DNAH7: variants seen among roughly 807,000 people sequenced by gnomAD.
DNAH7 encodes dynein axonemal heavy chain 7.
Under a neutral mutation model 444.6 loss-of-function variants are expected in DNAH7, and 397 were observed. The observed-to-expected ratio is 0.89, with a 90% confidence interval of 0.82 to 0.97. The LOEUF is 0.97. Among genes scored for constraint, DNAH7 ranks in the 50% least tolerant of loss-of-function variants. The pLI, the probability that DNAH7 is intolerant of heterozygous loss-of-function variation, is 0.00. For missense variants in DNAH7, 4,902 were observed against 4,800.8 expected (o/e 1.02, Z -0.62); for synonymous variants, 1,636 against 1,624.4 (o/e 1.01, Z -0.17).
chr2:195,862,640 C>T (rs940376622), intron 41 of DNAH7, among the ~76,000 whole-genome samples: 1 of 151,836 alleles, frequency 6.6e-6, no homozygotes, highest in East Asian at 1.9e-4. Context: ...TTTTCTGTCA[C>T]CCTCTCCTTC....
chr2:196,017,525 T>C (rs1291313217), intron 9 of DNAH7, among the ~76,000 whole-genome samples: 1 of 150,592 alleles, frequency 6.6e-6, no homozygotes, highest in Non-Finnish European at 1.5e-5. Context: ...TCACCAAATA[T>C]AAGCACATGC....
intron 8 of DNAH7, among the ~76,000 whole-genome samples, chr2:196,019,501 A>C (rs1330760438): frequency 1.3e-5 from 2 of 152,264 alleles, no homozygotes; most frequent in South Asian, 2.1e-4. Flanking sequence ...TGACTCTGAA[A>C]TTAGATTTAA....
intron 48 of DNAH7, among the ~76,000 whole-genome samples, chr2:195,826,353 T>C (rs1697746437): frequency 6.6e-6 from 1 of 152,226 alleles, no homozygotes; most frequent in African/African-American, 2.4e-5. Flanking sequence ...GGCACTGTAT[T>C]TTCTTGTCAT....
intron 21 of DNAH7, among the ~76,000 whole-genome samples, chr2:195,931,116 C>A (rs1042575917): frequency 4.6e-5 from 7 of 151,998 alleles, no homozygotes; most frequent in Non-Finnish European, 8.8e-5. Context: ...TCAATCACTC[C>A]CCAAACCTCA....
chr2:195,957,302 C>T lies in DNAH7; in HGVS notation c.3037G>A (p.Val1013Met), dbSNP rs1363819403. ...MPEEGRRFTA[V>M]DKTWRDIMRS... ...ATTATATCTCTCCATGTCTTATCCACAGCTGTAAATCGTCTGCCTTCCTCA... is the reference window on the plus strand; with the variant it reads ...ATTATATCTCTCCATGTCTTATCCATAGCTGTAAATCGTCTGCCTTCCTCA... Residue 1013 changes from valine (V) to methionine (M), a missense_variant, in exon 19 of 65, where the codon GTG becomes ATG. Val to Met is a conservative substitution (Grantham distance 21). Coordinates refer to ENST00000312428, the MANE Select transcript of DNAH7 (RefSeq NM_018897.3). 6.2e-7 allele frequency: 1 copy of T among 1,600,588 alleles called. No individual in the cohort carries two copies.
chr2:195,826,527 A>G (rs935316988), intron 48 of DNAH7, among the ~76,000 whole-genome samples: 33 of 152,198 alleles, frequency 2.2e-4, no homozygotes, highest in African/African-American at 8.0e-4. Context: ...ACTATACCAT[A>G]CTGTCAGCAT....
chr2:195,931,974 T>A (rs1335662010), intron 21 of DNAH7, among the ~76,000 whole-genome samples: 1 of 152,036 alleles, frequency 6.6e-6, no homozygotes, highest in African/African-American at 2.4e-5. Flanking sequence ...TCATTGGTAC[T>A]TTGATGGGGA....
At chr2:195,895,907 C>G (rs1702281103) in intron 29 of DNAH7, among the ~76,000 whole-genome samples, 1 of 151,372 alleles carries the variant, frequency 6.6e-6, no homozygotes. Flanking sequence ...TTTTTTTTTG[C>G]CGAGTAATAT....
intron 24 of DNAH7, among the ~76,000 whole-genome samples, chr2:195,915,462 C>T (rs1250278064): frequency 6.6e-6 from 1 of 152,096 alleles, no homozygotes; most frequent in Non-Finnish European, 1.5e-5. Context: ...TATTGCACCT[C>T]ATATACTATA....
At chr2:195,861,174 T>C in intron 42 of DNAH7, among the ~76,000 whole-genome samples, 1 of 152,300 alleles carries the variant, frequency 6.6e-6, no homozygotes, top group South Asian at 2.1e-4. Context: ...TTTTTAAATT[T>C]TGTAATATAC....
chr2:196,064,311 G>A (rs950497429), intron 1 of DNAH7, among the ~76,000 whole-genome samples: 28 of 133,806 alleles, frequency 2.1e-4, no homozygotes, highest in African/African-American at 5.2e-4. Flanking sequence ...GTGAGACTCC[G>A]TCTCAAAATA....
chr2:195,987,580 A>T (rs1693006339), intron 13 of DNAH7, among the ~76,000 whole-genome samples: 1 of 152,156 alleles, frequency 6.6e-6, no homozygotes, highest in South Asian at 2.1e-4. Context: ...AGAAAATTTT[A>T]AGTTACTAGT....
At chr2:195,800,124 T>C (rs1307044846) in intron 54 of DNAH7, among the ~76,000 whole-genome samples, 1 of 152,166 alleles carries the variant, frequency 6.6e-6, no homozygotes, top group South Asian at 2.1e-4. Flanking sequence ...ACATCATTCC[T>C]GCTTTCTGAC....
chr2:195,746,626 T>G (rs1334977430), intron 63 of DNAH7, among the ~76,000 whole-genome samples: 1 of 152,116 alleles, frequency 6.6e-6, no homozygotes, highest in African/African-American at 2.4e-5. Context: ...TGTAAAAGAA[T>G]AGAAATTATA....
intron 27 of DNAH7, chr2:195,903,456 T>A (rs528803104): frequency 6.6e-6 from 1 of 152,234 alleles, no homozygotes; most frequent in South Asian, 2.1e-4. Context: ...CTTTGTGACA[T>A]TAGGAGATCT....
intron 5 of DNAH7, among the ~76,000 whole-genome samples, chr2:196,029,976 A>G (rs895335749): frequency 6.6e-6 from 1 of 152,330 alleles, no homozygotes; most frequent in African/African-American, 2.4e-5. Flanking sequence ...TTAACCCATT[A>G]ATTATGAAGA....
intron 63 of DNAH7, among the ~76,000 whole-genome samples, chr2:195,741,571 G>A (rs1012040652): frequency 2.0e-5 from 3 of 152,212 alleles, no homozygotes; most frequent in Non-Finnish European, 4.4e-5. Context: ...TAGACTTTGG[G>A]AAGACCAAAG....
intron 15 of DNAH7, among the ~76,000 whole-genome samples, chr2:195,980,061 CAAAAAAAAA>C (rs59664135): frequency 4.5e-4 from 34 of 75,056 alleles, no homozygotes; most frequent in African/African-American, 1.4e-3. Context: ...CAAACTAATA[CAAAAAAAAA>C]AAAAAAAAAA....
At chr2:195,915,440 A>G (rs1687615953) in intron 24 of DNAH7, among the ~76,000 whole-genome samples, 1 of 152,244 alleles carries the variant, frequency 6.6e-6, no homozygotes, top group Admixed American at 6.5e-5. Context: ...ACTGAGTCCA[A>G]TAGACAGATT....
Sources: allele counts gnomAD v4.1 joint callset (sites outside exome capture counted in the v4.1 genomes callset), GRCh38; gene constraint gnomAD v4.1.1; transcripts MANE v1.5; gene names NCBI Gene and HGNC (gene_info 2026-07-23, HGNC 2026-07-21).